The following ARHGAP26 variants were observed in gnomAD, a reference collection of about 807,000 sequenced individuals.
The protein encoded by ARHGAP26 is rho GTPase-activating protein 26.
ARHGAP26 carries 38 observed loss-of-function variants against 104.8 expected under a neutral mutation model. The ratio of observed to expected loss-of-function variants is 0.36; its 90% CI spans 0.28 to 0.48. The LOEUF (loss-of-function observed/expected upper bound fraction) is 0.48. Among genes scored for constraint, ARHGAP26 ranks in the 20% least tolerant of loss-of-function variants. The pLI, the probability that ARHGAP26 is intolerant of heterozygous loss-of-function variation, is 0.99. For synonymous variants in ARHGAP26, 341 were observed against 340.0 expected (o/e 1.00, Z -0.03); for missense variants, 704 against 947.9 (o/e 0.74, Z 3.38).
intron 17 of ARHGAP26, among the ~76,000 whole-genome samples, chr5:143,072,426 C>A (rs1333842972): frequency 6.6e-6 from 1 of 152,180 alleles, no homozygotes; most frequent in Admixed American, 6.5e-5. Context: ...GAAAGGAAAT[C>A]ATTACATTGA....
chr5:142,839,516 T>G (rs1770317631), intron 1 of ARHGAP26, among the ~76,000 whole-genome samples: 1 of 152,156 alleles, frequency 6.6e-6, no homozygotes, highest in Admixed American at 6.6e-5. Flanking sequence ...TAGTAGATTT[T>G]TTTCAATAAA....
At chr5:143,001,009 T>C (rs173468) in intron 11 of ARHGAP26, among the ~76,000 whole-genome samples, 143,893 of 152,126 alleles carry the variant, frequency 0.95, 68,316 homozygotes, top group Non-Finnish European at 0.99. Flanking sequence ...CAAACCTGCA[T>C]GTTCTGCACA....
chr5:143,070,904 A>G (rs968375854), intron 17 of ARHGAP26, among the ~76,000 whole-genome samples: 1 of 151,958 alleles, frequency 6.6e-6, no homozygotes, highest in African/African-American at 2.4e-5. Flanking sequence ...AGATCTTGAC[A>G]CTATCGCAGA....
At chr5:142,782,435 A>G (rs994625066) in intron 1 of ARHGAP26, among the ~76,000 whole-genome samples, 7 of 152,092 alleles carry the variant, frequency 4.6e-5, no homozygotes, top group Non-Finnish European at 8.8e-5. Flanking sequence ...GGAGCTCAGG[A>G]CTCACCTTCA....
At chr5:142,896,299 A>T (rs1759472726) in intron 6 of ARHGAP26, among the ~76,000 whole-genome samples, 1 of 152,234 alleles carries the variant, frequency 6.6e-6, no homozygotes, top group African/African-American at 2.4e-5. Flanking sequence ...GATTAATATT[A>T]TTCCAAATTT....
chr5:142,916,919 A>G (rs1446678586), intron 10 of ARHGAP26, among the ~76,000 whole-genome samples: 11 of 152,112 alleles, frequency 7.2e-5, no homozygotes, highest in African/African-American at 2.4e-4. Flanking sequence ...TTATTCCCAT[A>G]CTGCTGAGGA....
intron 1 of ARHGAP26, among the ~76,000 whole-genome samples, chr5:142,850,234 C>T (rs1003772456): frequency 6.6e-6 from 1 of 152,160 alleles, no homozygotes; most frequent in Non-Finnish European, 1.5e-5. Flanking sequence ...TTAAATTGTC[C>T]CCTCTTCCCA....
intron 17 of ARHGAP26, chr5:143,058,198 T>A (rs1364190435): frequency 5.0e-6 from 2 of 398,152 alleles, no homozygotes; most frequent in Non-Finnish European, 4.8e-6. Context: ...TAACCAGCCC[T>A]GAACAAACTG....
chr5:143,214,410 C>T (rs550619240), intron 22 of ARHGAP26, among the ~76,000 whole-genome samples: 2 of 152,224 alleles, frequency 1.3e-5, no homozygotes, highest in Admixed American at 1.3e-4. Context: ...ATACACATCA[C>T]ATGTTTAAAA....
At chr5:142,936,444 T>G (rs78792241) in intron 11 of ARHGAP26, among the ~76,000 whole-genome samples, 1,997 of 152,306 alleles carry the variant, frequency 0.013, 45 homozygotes, top group African/African-American at 0.046. Context: ...AAGATGTCAA[T>G]TCTCCCCAAA....
rs1811719394 is a variant in ARHGAP26, at chr5:143,226,841, G to A, written c.*4395G>A. 4.4e-6 allele frequency: 1 copy of A among 225,552 alleles called. No homozygotes were observed. The highest frequency in any genetic ancestry group is 8.8e-6 in the Non-Finnish European group (1 of 113,298). 14.0% of individuals were successfully genotyped at this position (225,552 alleles called of 1,614,324 possible). A position where few individuals can be genotyped will look rare whatever the true frequency, so the allele number is the denominator to read the frequency against. On this transcript the variant is annotated 3_prime_UTR_variant, in exon 23 of 23. Transcript: ENST00000645722. The stretch of plus-strand genomic sequence containing the variant: ...AGTATTGACAGACTGGCATTAGCAG[G>A]ACAGAGCCATACTAGTGACAAGGGC...
At chr5:142,980,943 G>A (rs1039692427) in intron 11 of ARHGAP26, among the ~76,000 whole-genome samples, 17 of 152,236 alleles carry the variant, frequency 1.1e-4, no homozygotes, top group Admixed American at 7.9e-4. Flanking sequence ...TGTGTGTATC[G>A]TAGTAGTAGT....
intron 1 of ARHGAP26, among the ~76,000 whole-genome samples, chr5:142,803,012 C>G (rs923049960): frequency 4.6e-5 from 7 of 152,078 alleles, no homozygotes; most frequent in African/African-American, 1.7e-4. Context: ...TGTGTAGTGG[C>G]GGGGAGATAC....
At position 142,890,144 on chromosome 5, in the gene ARHGAP26, AAAAAAAAATATATATATATATATATATAT is replaced by A. The variant is rs1209700645; in HGVS notation, c.487-4092_487-4064del. Among the ~76,000 whole-genome samples, 27 of 89,208 alleles carry A rather than the reference AAAAAAAAATATATATATATATATATATAT, an allele frequency of 3.0e-4. No individual in the cohort carries two copies. The South Asian group carries it at 9.0e-3, about 30-fold the overall frequency. The allele number at this position is 89,208 out of a possible 152,430, so 58.5% of individuals were successfully genotyped here. Reference sequence around the variant, plus strand: ...AGAGCGAAACTCCGTCTTAAAAAAAAAAAAAAAATATATATATATATATATATATATATATATATATATATATATATATG... The same window carrying A: ...AGAGCGAAACTCCGTCTTAAAAAAAAATATATATATATATATATATATATG... On this transcript the variant is annotated intron_variant, in intron 5 of 22. Transcript: ENST00000645722.
chr5:143,140,053 G>A (rs929997385), intron 19 of ARHGAP26, among the ~76,000 whole-genome samples: 1 of 152,210 alleles, frequency 6.6e-6, no homozygotes, highest in African/African-American at 2.4e-5. Flanking sequence ...ACTTGAGTGT[G>A]CATTTGAATC....
At chr5:142,980,807 C>G (rs114983287) in intron 11 of ARHGAP26, among the ~76,000 whole-genome samples, 4,015 of 152,258 alleles carry the variant, frequency 0.026, 83 homozygotes, top group Middle Eastern at 0.051. Flanking sequence ...AATATTGCCA[C>G]ATAGTCTTGC....
chr5:143,197,893 A>G (rs1179461077), intron 20 of ARHGAP26, among the ~76,000 whole-genome samples: 1 of 152,210 alleles, frequency 6.6e-6, no homozygotes, highest in African/African-American at 2.4e-5. Flanking sequence ...ACTTTCCACT[A>G]GTAGCATAAA....
At chr5:143,102,570 G>A (rs939820659) in intron 17 of ARHGAP26, among the ~76,000 whole-genome samples, 2 of 152,362 alleles carry the variant, frequency 1.3e-5, no homozygotes, top group African/African-American at 2.4e-5. Context: ...AAAAGTTGGC[G>A]TTTGGGACTT....
chr5:142,843,949 A>T (rs1338730903), intron 1 of ARHGAP26, among the ~76,000 whole-genome samples: 1 of 151,998 alleles, frequency 6.6e-6, no homozygotes, highest in African/African-American at 2.4e-5. Flanking sequence ...TGGTTTCCTC[A>T]TCTAGAGATG....
Sources: allele counts gnomAD v4.1 joint callset (sites outside exome capture counted in the v4.1 genomes callset), GRCh38; gene constraint gnomAD v4.1.1; transcripts MANE v1.5; gene names NCBI Gene and HGNC (gene_info 2026-07-23, HGNC 2026-07-21).